WDR7: variants seen among roughly 807,000 people sequenced by gnomAD.
WDR7 encodes WD repeat domain 7.
Under a neutral mutation model 169.4 loss-of-function variants are expected in WDR7, and 46 were observed. That is an observed-to-expected ratio of 0.27 (90% CI 0.21 to 0.35). The LOEUF is 0.35. Ranked by LOEUF, WDR7 falls within the 10% of genes least tolerant of loss-of-function variation. The pLI, the probability that WDR7 is intolerant of heterozygous loss-of-function variation, is 1.00. For missense variants in WDR7, 1,534 were observed against 1,859.3 expected, an observed-to-expected ratio of 0.83 and a Z score of 3.22; for synonymous variants, 612 against 666.8, an observed-to-expected ratio of 0.92 and a Z score of 1.27.
At chr18:56,965,043 G>A (rs2047388213) in intron 26 of WDR7, among the ~76,000 whole-genome samples, 1 of 152,132 alleles carries the variant, frequency 6.6e-6, no homozygotes, top group African/African-American at 2.4e-5. Context: ...GTGAATCAAA[G>A]GATCATTTTG....
intron 19 of WDR7, among the ~76,000 whole-genome samples, chr18:56,787,819 G>A (rs568125533): frequency 1.3e-5 from 2 of 152,314 alleles, no homozygotes; most frequent in African/African-American, 4.8e-5. Flanking sequence ...ATGAAACTGT[G>A]TTACAGAGGG....
At chr18:56,734,113 C>G (rs1157121968) in intron 14 of WDR7, among the ~76,000 whole-genome samples, 2 of 152,162 alleles carry the variant, frequency 1.3e-5, no homozygotes, top group African/African-American at 4.8e-5. Context: ...AACTTGCATT[C>G]TTCCTTTGCA....
chr18:56,885,954 T>C lies in WDR7; in HGVS notation c.3526+5789T>C, dbSNP rs562836241. Among the ~76,000 whole-genome samples, 4 of 152,306 alleles carry C rather than the reference T, an allele frequency of 2.6e-5. 1 individual carries two copies. In the East Asian group the frequency reaches 7.7e-4, roughly 29 times the overall value. On this transcript the variant is annotated intron_variant, in intron 21 of 27. Transcript: ENST00000254442. ...AACAAAGCCTCCAAGAAGTTTGGCATTTTGTTAAATGACCTGAGACCTAAA... is the reference window on the plus strand; with the variant it reads ...AACAAAGCCTCCAAGAAGTTTGGCACTTTGTTAAATGACCTGAGACCTAAA...
At chr18:56,840,172 G>A (rs1280816402) in intron 20 of WDR7, among the ~76,000 whole-genome samples, 1 of 152,032 alleles carries the variant, frequency 6.6e-6, no homozygotes, top group Non-Finnish European at 1.5e-5. Context: ...AGAGGAAGAG[G>A]GATTACCCTA....
At chr18:56,659,119 A>G (rs1481913872) in intron 1 of WDR7, among the ~76,000 whole-genome samples, 2 of 152,148 alleles carry the variant, frequency 1.3e-5, no homozygotes, top group African/African-American at 4.8e-5. Context: ...CCTAAGATAT[A>G]TTTTGCTGTG....
chr18:56,939,336 T>C lies in WDR7; in HGVS notation c.4007T>C (p.Leu1336Pro). ...VEVMDIIMYC[L>P]EGSLVKKKGL... The stretch of plus-strand genomic sequence containing the variant: ...GTTATGGACATCATTATGTACTGCC[T>C]TGAAGGATCTTTAGTTAAAAAGAAA... Residue 1336 changes from leucine to proline, a missense_variant, in exon 25 of 28, where the codon CTT becomes CCT. Transcript: ENST00000254442. 6.3e-7 allele frequency: 1 copy of C among 1,585,746 alleles called. No homozygotes were observed. The highest frequency in any genetic ancestry group is 8.6e-7 in the Non-Finnish European group (1 of 1,165,542).
chr18:56,876,698 C>T (rs1227328536), intron 20 of WDR7, among the ~76,000 whole-genome samples: 3 of 151,978 alleles, frequency 2.0e-5, no homozygotes, highest in Non-Finnish European at 4.4e-5. Flanking sequence ...GTATTAAATA[C>T]GTGACTGGCA....
At chr18:56,739,876 A>ATTTTTTTTTTT (rs58692081) in intron 14 of WDR7, among the ~76,000 whole-genome samples, 5 of 138,084 alleles carry the variant, frequency 3.6e-5, no homozygotes, top group Non-Finnish European at 7.8e-5. Flanking sequence ...CCTAGATGTG[A>ATTTTTTTTTTT]TTTTTTTTTT....
chr18:56,791,880 G>A (rs1454363686), intron 19 of WDR7, among the ~76,000 whole-genome samples: 3 of 152,072 alleles, frequency 2.0e-5, no homozygotes, highest in Non-Finnish European at 4.4e-5. Flanking sequence ...GAGGCAGGAG[G>A]GATGAGTTTC....
chr18:56,803,775 C>T (rs1467441856), intron 19 of WDR7, among the ~76,000 whole-genome samples: 1 of 152,152 alleles, frequency 6.6e-6, no homozygotes, highest in Admixed American at 6.5e-5. Context: ...AACTCAACCC[C>T]TTGTATCCAT....
At chr18:57,001,208 A>G (rs562065649) in intron 26 of WDR7, among the ~76,000 whole-genome samples, 1 of 152,304 alleles carries the variant, frequency 6.6e-6, no homozygotes, top group South Asian at 2.1e-4. Flanking sequence ...TTTAAAAAAT[A>G]TGTATATATC....
chr18:56,666,828 C>T (rs1238995773), intron 1 of WDR7, among the ~76,000 whole-genome samples: 1 of 151,542 alleles, frequency 6.6e-6, no homozygotes, highest in Non-Finnish European at 1.5e-5. Context: ...AAATATCCAC[C>T]CAAATAAAAA....
intron 21 of WDR7, among the ~76,000 whole-genome samples, chr18:56,883,625 A>C (rs747458786): frequency 7.9e-5 from 12 of 151,682 alleles, no homozygotes; most frequent in Non-Finnish European, 1.3e-4. Flanking sequence ...ACCAGTGCAC[A>C]CTGTACCCAG....
chr18:56,774,094 T>C (rs2044206557), intron 16 of WDR7, among the ~76,000 whole-genome samples: 1 of 152,122 alleles, frequency 6.6e-6, no homozygotes, highest in African/African-American at 2.4e-5. Context: ...AAGGGCTACT[T>C]GTGTTTATGT....
intron 12 of WDR7, among the ~76,000 whole-genome samples, chr18:56,710,143 A>G (rs919851248): frequency 5.9e-5 from 9 of 151,536 alleles, no homozygotes; most frequent in Non-Finnish European, 1.2e-4. Flanking sequence ...AGCTGGGACT[A>G]TAGGCGCCTG....
chr18:56,689,676 G>T (rs966157771), intron 7 of WDR7, among the ~76,000 whole-genome samples: 2 of 152,128 alleles, frequency 1.3e-5, no homozygotes, highest in African/African-American at 4.8e-5. Flanking sequence ...AGTTCCTGAT[G>T]CCATTTGTTG....
intron 20 of WDR7, among the ~76,000 whole-genome samples, chr18:56,841,232 G>A (rs575223041): frequency 8.6e-4 from 130 of 151,304 alleles, no homozygotes; most frequent in Middle Eastern, 3.5e-3. Context: ...AAAAGTTGTC[G>A]TAATTTACAA....
At chr18:56,774,661 T>C (rs2044213851) in intron 16 of WDR7, among the ~76,000 whole-genome samples, 1 of 152,186 alleles carries the variant, frequency 6.6e-6, no homozygotes, top group Admixed American at 6.6e-5. Flanking sequence ...TGCTAATTGC[T>C]GATTTTTCTT....
chr18:56,999,965 G>A (rs2047952647), intron 26 of WDR7, among the ~76,000 whole-genome samples: 1 of 152,122 alleles, frequency 6.6e-6, no homozygotes, highest in Admixed American at 6.6e-5. Context: ...TTGCATTTGA[G>A]GCAGAATTCT....
Sources: gnomAD v4.1 joint callset for allele counts (sites outside exome capture counted in the v4.1 genomes callset) on GRCh38, gnomAD v4.1.1 for gene constraint, MANE v1.5 for transcripts, NCBI Gene and HGNC (gene_info 2026-07-23, HGNC 2026-07-21) for gene names.